The following EFCC1 variants were observed in gnomAD, a reference collection of about 807,000 sequenced individuals.
EFCC1 encodes the protein EF-hand and coiled-coil domain containing 1.
In EFCC1, 50 loss-of-function variants were observed where a neutral mutation model predicts 52.1. The observed-to-expected ratio is 0.96, with a 90% confidence interval of 0.76 to 1.21. The LOEUF (loss-of-function observed/expected upper bound fraction) is 1.21. EFCC1 is among the 50% of genes most tolerant of loss of function. EFCC1 has a pLI of 0.00. For missense variants in EFCC1, 837 were observed against 867.3 expected, an observed-to-expected ratio of 0.97 and a Z score of 0.44; for synonymous variants, 399 against 396.5, an observed-to-expected ratio of 1.01 and a Z score of -0.08.
intron 2 of EFCC1, among the ~76,000 whole-genome samples, chr3:129,024,025 C>T (rs1177733893): frequency 1.3e-5 from 2 of 152,198 alleles, no homozygotes; most frequent in Non-Finnish European, 2.9e-5. Flanking sequence ...CCTTTCCTTG[C>T]ACTTCCACCC....
chr3:129,027,474 G>A (rs1946157338), intron 2 of EFCC1, among the ~76,000 whole-genome samples: 2 of 152,198 alleles, frequency 1.3e-5, no homozygotes, highest in Non-Finnish European at 2.9e-5. Context: ...GCTCACCCCA[G>A]TCACGCGGAT....
chr3:129,029,804 C>T (rs1463604881), intron 2 of EFCC1, among the ~76,000 whole-genome samples: 3 of 150,050 alleles, frequency 2.0e-5, no homozygotes, highest in Admixed American at 6.6e-5. Flanking sequence ...AGGCTGGTCT[C>T]GAACTCCTGA....
At chr3:129,008,026 G>A (rs895441564) in intron 2 of EFCC1, among the ~76,000 whole-genome samples, 1 of 152,204 alleles carries the variant, frequency 6.6e-6, no homozygotes, top group Non-Finnish European at 1.5e-5. Context: ...TCTTTGGCAG[G>A]GCCATGATCC....
chr3:129,001,622 C>T lies in EFCC1; in HGVS notation c.-7C>T, dbSNP rs1343255943. 1.5e-6 allele frequency: 2 copies of T among 1,355,328 alleles called. No homozygotes were observed. Among genetic ancestry groups the T allele is most frequent in the Admixed American group, 3.8e-5 (1 of 25,978 alleles). 84.0% of individuals were successfully genotyped at this position (1,355,328 alleles called of 1,614,324 possible). On this transcript the variant is annotated 5_prime_UTR_variant, in exon 1 of 8. Transcript: ENST00000683648. ...GGGACCGGAGGAGCGAGGCGCGCGGCGCAGCGATGGAGCCGGTCAGCACGG... is the reference window on the plus strand; with the variant it reads ...GGGACCGGAGGAGCGAGGCGCGCGGTGCAGCGATGGAGCCGGTCAGCACGG...
chr3:129,024,548 A>G (rs1479030343), intron 2 of EFCC1, among the ~76,000 whole-genome samples: 3 of 152,132 alleles, frequency 2.0e-5, no homozygotes, highest in East Asian at 1.9e-4. Context: ...AAGAAAAAAA[A>G]AAAGAAAAAG....
chr3:129,026,342 C>T (rs1946107502), intron 2 of EFCC1, among the ~76,000 whole-genome samples: 1 of 151,916 alleles, frequency 6.6e-6, no homozygotes, highest in Non-Finnish European at 1.5e-5. Flanking sequence ...TGTTGAAACC[C>T]TTAAATGATT....
At position 129,033,627 on chromosome 3, in the gene EFCC1, T is replaced by C. The variant is rs372809737; in HGVS notation, c.1287-537T>C. On this transcript the variant is annotated intron_variant, in intron 4 of 7. Transcript: ENST00000683648. ...GGTTGTTTTTACCACCAATTCTTCATGTCAACAAGCACTTATAAAGCACCT... is the reference window on the plus strand; with the variant it reads ...GGTTGTTTTTACCACCAATTCTTCACGTCAACAAGCACTTATAAAGCACCT... Among the ~76,000 whole-genome samples the C allele has an allele frequency of 1.3e-3, 196 of 152,346 alleles. 1 individual carries two copies. Among genetic ancestry groups the C allele is most frequent in the African/African-American group, 3.5e-3 (145 of 41,558 alleles).
intron 3 of EFCC1, among the ~76,000 whole-genome samples, chr3:129,031,902 T>C (rs1480936936): frequency 6.6e-6 from 1 of 152,184 alleles, no homozygotes; most frequent in Non-Finnish European, 1.5e-5. Flanking sequence ...TTGCCCTTCC[T>C]GAACTAGTTG....
intron 1 of EFCC1, chr3:129,003,440 C>T: frequency 3.4e-6 from 1 of 290,274 alleles, no homozygotes; most frequent in South Asian, 1.4e-4. Context: ...AGATGAGGAA[C>T]CGCCACCCGG....
At chr3:129,027,249 C>T (rs1341419883) in intron 2 of EFCC1, among the ~76,000 whole-genome samples, 2 of 152,186 alleles carry the variant, frequency 1.3e-5, no homozygotes, top group South Asian at 4.1e-4. Context: ...CGGGGAGGCC[C>T]CGCGGGCGGC....
At chr3:129,033,955 G>A (rs1946322089) in intron 4 of EFCC1, among the ~76,000 whole-genome samples, 1 of 152,240 alleles carries the variant, frequency 6.6e-6, no homozygotes, top group African/African-American at 2.4e-5. Context: ...GGGAGGGAAG[G>A]TCAGAGAGCT....
At chr3:129,026,424 C>T (rs1423132868) in intron 2 of EFCC1, among the ~76,000 whole-genome samples, 1 of 152,164 alleles carries the variant, frequency 6.6e-6, no homozygotes, top group Non-Finnish European at 1.5e-5. Context: ...CAACCTCCAA[C>T]TGTATTCACA....
In EFCC1 at chr3:129,001,764, A is replaced by T; in HGVS notation, c.136A>T (p.Asn46Tyr). 1 of 1,542,398 alleles carries T rather than the reference A, an allele frequency of 6.5e-7. No individual in the cohort carries two copies. Among genetic ancestry groups the T allele is most frequent in the African/African-American group, 1.4e-5 (1 of 72,354 alleles). Reference sequence around the variant, plus strand: ...CTACGGGCTGGACCGCGGCGTGGAGAACGAGATCGTGGTGCTGGCCACCGG... The same window carrying T: ...CTACGGGCTGGACCGCGGCGTGGAGTACGAGATCGTGGTGCTGGCCACCGG... ...HHYGLDRGVE[N>Y]EIVVLATGLD... is the part of the protein sequence containing the mutation. Residue 46 changes from asparagine to tyrosine, a missense_variant, in exon 1 of 8, where the codon AAC becomes TAC. Transcript: ENST00000683648.
chr3:129,039,183 A>G (rs1320748626), intron 7 of EFCC1, among the ~76,000 whole-genome samples: 7 of 152,168 alleles, frequency 4.6e-5, no homozygotes, highest in Non-Finnish European at 7.4e-5. Flanking sequence ...AAACCCCTGA[A>G]TCCTTACAAT....
chr3:129,007,512 A>C (rs149840161), intron 2 of EFCC1, among the ~76,000 whole-genome samples: 1 of 152,330 alleles, frequency 6.6e-6, no homozygotes, highest in Non-Finnish European at 1.5e-5. Flanking sequence ...TTTGGTTAGA[A>C]TAAATGACCC....
rs1286146374 is a variant in EFCC1, at chr3:129,001,980, G to A, written c.352G>A (p.Ala118Thr). 3.9e-6 allele frequency: 6 copies of A among 1,545,304 alleles called. No homozygotes were observed. The highest frequency in any genetic ancestry group is 5.2e-6 in the Non-Finnish European group (6 of 1,144,962). ...CCCCGGGGATGCGGCCGCTGAGTTG[G>A]CCACGGACGGGGACTCAGATACCGA... is the stretch of plus-strand genomic sequence containing the variant. ...VTPGDAAAEL[A>T]TDGDSDTDEE... Residue 118 changes from alanine to threonine, a missense_variant, in exon 1 of 8, where the codon GCC (alanine) becomes ACC (threonine). Physicochemically the swap from Ala to Thr is moderately conservative, Grantham distance 58. Coordinates refer to ENST00000683648, the MANE Select transcript of EFCC1 (RefSeq NM_001377500.1).
Position 129,001,603 on chromosome 3 carries a change from G to GGAGGAGC in EFCC1, c.-21_-15dup. ...GGGCGAAGGGACCGGAGGAGGGACC[G>GGAGGAGC]GAGGAGCGAGGCGCGCGGCGCAGCG... On this transcript the variant is annotated 5_prime_UTR_variant, in exon 1 of 8. Coordinates refer to ENST00000683648, the MANE Select transcript of EFCC1 (RefSeq NM_001377500.1). 1 of 1,355,012 alleles carries GGAGGAGC rather than the reference G, an allele frequency of 7.4e-7. No homozygotes were observed. Among genetic ancestry groups the GGAGGAGC allele is most frequent in the South Asian group, 1.8e-5 (1 of 54,772 alleles). The allele number at this position is 1,355,012 out of a possible 1,614,324, so 83.9% of individuals were successfully genotyped here. A position where few individuals can be genotyped will look rare whatever the true frequency, so the allele number is the denominator to read the frequency against.
At chr3:129,015,674 G>A (rs1397509183) in intron 2 of EFCC1, among the ~76,000 whole-genome samples, 1 of 152,110 alleles carries the variant, frequency 6.6e-6, no homozygotes, top group Non-Finnish European at 1.5e-5. Context: ...AGTTGGGGGG[G>A]TTCCCGAATT....
chr3:129,029,966 C>T (rs1254447624), intron 2 of EFCC1, among the ~76,000 whole-genome samples: 1 of 151,750 alleles, frequency 6.6e-6, no homozygotes, highest in East Asian at 1.9e-4. Flanking sequence ...AGGCAGATTG[C>T]CTGAGCTCAG....
Sources: allele counts gnomAD v4.1 joint callset (sites outside exome capture counted in the v4.1 genomes callset), GRCh38; gene constraint gnomAD v4.1.1; transcripts MANE v1.5; gene names NCBI Gene and HGNC (gene_info 2026-07-23, HGNC 2026-07-21).